Variants in RGS6 observed in about 807,000 individuals in gnomAD.
RGS6 encodes regulator of G protein signaling 6.
RGS6 carries 30 observed loss-of-function variants against 78.5 expected under a neutral mutation model. That is an observed-to-expected ratio of 0.38 (90% CI 0.29 to 0.52). RGS6 has a LOEUF of 0.52. Ranked by LOEUF, RGS6 falls within the 20% of genes least tolerant of loss-of-function variation. The probability of loss-of-function intolerance (pLI) is 0.85; values close to 1 mark genes in which losing one functional copy is unlikely to be tolerated. For missense variants in RGS6, 495 were observed against 609.7 expected (o/e 0.81, Z 1.98); for synonymous variants, 206 against 206.0 (o/e 1.00, Z 0.00).
chr14:72,205,717 C>G (rs2042555109), intron 2 of RGS6, among the ~76,000 whole-genome samples: 1 of 152,188 alleles, frequency 6.6e-6, no homozygotes, highest in African/African-American at 2.4e-5. Context: ...CTGTTAAACA[C>G]ATTTGAAATA....
At chr14:72,345,916 A>T (rs1281605339) in intron 2 of RGS6, among the ~76,000 whole-genome samples, 1 of 152,232 alleles carries the variant, frequency 6.6e-6, no homozygotes, top group Non-Finnish European at 1.5e-5. Flanking sequence ...TCAATGAAGC[A>T]TGCACATTTT....
chr14:71,997,789 G>T (rs2082679025), intron 2 of RGS6, among the ~76,000 whole-genome samples: 1 of 152,122 alleles, frequency 6.6e-6, no homozygotes, highest in Admixed American at 6.5e-5. Flanking sequence ...TACATACAAT[G>T]CCATTTTATC....
chr14:72,456,121 G>A (rs1162726268), intron 4 of RGS6, among the ~76,000 whole-genome samples: 1 of 152,164 alleles, frequency 6.6e-6, no homozygotes, highest in Admixed American at 6.5e-5. Flanking sequence ...AGACATCATG[G>A]TATAGGGGCC....
chr14:72,372,879 G>A (rs1214464750), intron 3 of RGS6, among the ~76,000 whole-genome samples: 1 of 152,218 alleles, frequency 6.6e-6, no homozygotes, highest in East Asian at 1.9e-4. Context: ...ATTTGCCAGA[G>A]TTTGTGGATG....
intron 2 of RGS6, among the ~76,000 whole-genome samples, chr14:72,197,867 G>C (rs2040559526): frequency 6.6e-6 from 1 of 152,042 alleles, no homozygotes; most frequent in Non-Finnish European, 1.5e-5. Flanking sequence ...AGACTTTCTG[G>C]ATCCTCCAGG....
At chr14:72,256,460 G>C (rs2057105226) in intron 2 of RGS6, among the ~76,000 whole-genome samples, 1 of 152,200 alleles carries the variant, frequency 6.6e-6, no homozygotes, top group Non-Finnish European at 1.5e-5. Flanking sequence ...CCTCTGGCTA[G>C]ATGGCTCCTG....
intron 2 of RGS6, among the ~76,000 whole-genome samples, chr14:72,174,455 C>T (rs2153688395): frequency 6.6e-6 from 1 of 152,312 alleles, no homozygotes; most frequent in Non-Finnish European, 1.5e-5. Context: ...AGCCTCCCAG[C>T]CGCAAGGTAG....
chr14:72,518,983 T>G (rs2096991820), intron 15 of RGS6, among the ~76,000 whole-genome samples: 1 of 152,216 alleles, frequency 6.6e-6, no homozygotes, highest in Non-Finnish European at 1.5e-5. Flanking sequence ...GCAGTGAATA[T>G]TTTTTAAGCA....
chr14:72,029,351 A>T (rs568043087), intron 2 of RGS6, among the ~76,000 whole-genome samples: 2 of 152,352 alleles, frequency 1.3e-5, no homozygotes, highest in South Asian at 4.1e-4. Context: ...AACTGCAGCC[A>T]TCACTGTATT....
At position 72,216,407 on chromosome 14, in the gene RGS6, C is replaced by T. The variant is rs79750790; in HGVS notation, c.85-135688C>T. 5.3e-3 allele frequency among the ~76,000 whole-genome samples: 813 copies of T among 152,220 alleles called. 10 individuals carry two copies. Among genetic ancestry groups the T allele is most frequent in the African/African-American group, 0.019 (782 of 41,524 alleles). ...ATTTATCCTAGCTCCAATTAGTTAC[C>T]GCAGGTACAGCAAAACAAATGTAAG... On this transcript the variant is annotated intron_variant, in intron 2 of 17. Transcript: ENST00000553525.
intron 3 of RGS6, among the ~76,000 whole-genome samples, chr14:72,419,628 T>G (rs1009170463): frequency 4.6e-5 from 7 of 152,244 alleles, no homozygotes; most frequent in Non-Finnish European, 1.0e-4. Context: ...GCCACTGAGC[T>G]GGACCCTGTG....
intron 3 of RGS6, among the ~76,000 whole-genome samples, chr14:72,412,095 A>G (rs12589398): frequency 0.48 from 72,811 of 151,890 alleles, 18,189 homozygotes; most frequent in East Asian, 0.62. Context: ...ATGAGTTAGG[A>G]AGGATTCCGT....
At chr14:72,290,215 C>T (rs371986401) in intron 2 of RGS6, among the ~76,000 whole-genome samples, 10 of 152,134 alleles carry the variant, frequency 6.6e-5, no homozygotes, top group Non-Finnish European at 1.0e-4. Context: ...CGAGTTCAAG[C>T]GTTACACCCA....
At chr14:71,934,795 C>A (rs2088730219) in intron 1 of RGS6, among the ~76,000 whole-genome samples, 1 of 152,106 alleles carries the variant, frequency 6.6e-6, no homozygotes, top group South Asian at 2.1e-4. Flanking sequence ...AGAATCATTC[C>A]ATTTCTTATG....
chr14:71,990,438 C>A, intron 2 of RGS6: 1 of 363,748 alleles, frequency 2.7e-6, no homozygotes, highest in South Asian at 2.1e-5. Flanking sequence ...GGAAACACAT[C>A]TTCCAAGGTT....
rs1201498031 is a variant in RGS6 at position 72,298,431 on chromosome 14, C to CT, written c.85-53640dup. Among the ~76,000 whole-genome samples, 698 of 83,718 alleles carry CT rather than the reference C, an allele frequency of 8.3e-3. 9 individuals are homozygous for CT. Among genetic ancestry groups the CT allele is most frequent in the Admixed American group, 0.029 (185 of 6,458 alleles). 54.9% of individuals were successfully genotyped at this position (83,718 alleles called of 152,430 possible). A position where few individuals can be genotyped will look rare whatever the true frequency, so the allele number is the denominator to read the frequency against. On this transcript the variant is annotated intron_variant, in intron 2 of 17. Coordinates refer to ENST00000553525, the MANE Select transcript of RGS6 (RefSeq NM_001204424.2). ...AATGAGAGATATTGTCATTAATGTTCTTTTTTTTTTTTTTTTTTTTTTTTC... is the reference window on the plus strand; with the variant it reads ...AATGAGAGATATTGTCATTAATGTTCTTTTTTTTTTTTTTTTTTTTTTTTTC...
chr14:72,298,158 C>G (rs1474671157), intron 2 of RGS6, among the ~76,000 whole-genome samples: 1 of 151,810 alleles, frequency 6.6e-6, no homozygotes, highest in Admixed American at 6.6e-5. Context: ...GAAGTTTTTT[C>G]TTTCTTATGG....
chr14:72,399,942 G>C (rs1173528881), intron 3 of RGS6, among the ~76,000 whole-genome samples: 2 of 152,154 alleles, frequency 1.3e-5, no homozygotes, highest in Non-Finnish European at 2.9e-5. Flanking sequence ...TGGGAGAATG[G>C]AACCAAGTTG....
chr14:72,483,530 G>A (rs189319510), intron 12 of RGS6, among the ~76,000 whole-genome samples: 1 of 152,294 alleles, frequency 6.6e-6, no homozygotes, highest in Non-Finnish European at 1.5e-5. Flanking sequence ...GCAAGGGACT[G>A]GATACCCCTA....
Sources: gnomAD v4.1 joint callset for allele counts (sites outside exome capture counted in the v4.1 genomes callset) on GRCh38, gnomAD v4.1.1 for gene constraint, MANE v1.5 for transcripts, NCBI Gene and HGNC (gene_info 2026-07-23, HGNC 2026-07-21) for gene names.